Variants in COL5A2 observed in about 807,000 individuals in gnomAD.
The protein encoded by COL5A2 is collagen alpha-2(V) chain.
In COL5A2, 23 loss-of-function variants were observed where a neutral mutation model predicts 208.2. That is an observed-to-expected ratio of 0.11 (90% confidence interval 0.08 to 0.16). COL5A2 has a LOEUF of 0.16. Ranked by LOEUF, COL5A2 falls within the 10% of genes least tolerant of loss-of-function variation. COL5A2 has a pLI of 1.00. For missense variants in COL5A2, 1,590 were observed against 1,956.4 expected, an observed-to-expected ratio of 0.81 and a Z score of 3.53; for synonymous variants, 625 against 628.5, an observed-to-expected ratio of 0.99 and a Z score of 0.08.
chr2:189,111,464 A>G (rs1012440150), intron 1 of COL5A2, among the ~76,000 whole-genome samples: 1 of 152,164 alleles, frequency 6.6e-6, no homozygotes, highest in East Asian at 1.9e-4. Flanking sequence ...TTTCTTGCAC[A>G]ACTTGACCAC....
chr2:189,046,659 A>T (rs1215023599), intron 45 of COL5A2, among the ~76,000 whole-genome samples: 1 of 152,202 alleles, frequency 6.6e-6, no homozygotes, highest in Non-Finnish European at 1.5e-5. Context: ...CTAAACATAA[A>T]TATTTGACTT....
At chr2:189,319,946 G>A in the COL5A2 span, among the ~76,000 whole-genome samples, 1 of 152,102 alleles carries the variant, frequency 6.6e-6, no homozygotes, top group Non-Finnish European at 1.5e-5. Flanking sequence ...TCACATGGCC[G>A]GGTACCCCTC....
chr2:189,058,774 T>G, intron 32 of COL5A2, 75 bp downstream of exon 32: 1 of 1,342,796 alleles, frequency 7.4e-7, no homozygotes, highest in Non-Finnish European at 1.1e-6. Flanking sequence ...AATCCCAGTT[T>G]AAGATTTTAA....
chr2:189,435,259 G>A, the COL5A2 span, among the ~76,000 whole-genome samples: 2 of 152,126 alleles, frequency 1.3e-5, no homozygotes, highest in Non-Finnish European at 2.9e-5. Context: ...TCACGACATA[G>A]GCATGGGCAA....
chr2:189,306,775 T>C, the COL5A2 span, among the ~76,000 whole-genome samples: 1 of 152,240 alleles, frequency 6.6e-6, no homozygotes, highest in Non-Finnish European at 1.5e-5. Flanking sequence ...TTCCGCTTTC[T>C]TTCTTTGTAA....
At chr2:189,106,389 T>C (rs554427176) in intron 2 of COL5A2, among the ~76,000 whole-genome samples, 2 of 151,548 alleles carry the variant, frequency 1.3e-5, no homozygotes, top group Non-Finnish European at 3.0e-5. Context: ...ATTCCTATTA[T>C]TTCTTCTATG....
intron 1 of COL5A2, among the ~76,000 whole-genome samples, chr2:189,126,557 T>G (rs1005155348): frequency 6.6e-6 from 1 of 152,078 alleles, no homozygotes; most frequent in East Asian, 1.9e-4. Flanking sequence ...AATCAGCTCT[T>G]TGGCTTCTAA....
At chr2:189,322,756 G>A in the COL5A2 span, among the ~76,000 whole-genome samples, 2 of 152,168 alleles carry the variant, frequency 1.3e-5, no homozygotes, top group Non-Finnish European at 2.9e-5. Flanking sequence ...GTACAAGTAG[G>A]AGGTAGTACC....
At chr2:189,382,301 T>C in the COL5A2 span, among the ~76,000 whole-genome samples, 2 of 152,090 alleles carry the variant, frequency 1.3e-5, no homozygotes, top group Non-Finnish European at 2.9e-5. Flanking sequence ...AAGGCTGCAA[T>C]GAGCCATGAT....
At chr2:189,113,493 A>G (rs1487620537) in intron 1 of COL5A2, among the ~76,000 whole-genome samples, 1 of 151,280 alleles carries the variant, frequency 6.6e-6, no homozygotes, top group Non-Finnish European at 1.5e-5. Context: ...AATATATATT[A>G]TTGTGGAGTA....
At chr2:189,178,666 A>G (rs1179848039) in intron 1 of COL5A2, among the ~76,000 whole-genome samples, 1 of 150,890 alleles carries the variant, frequency 6.6e-6, no homozygotes, top group Non-Finnish European at 1.5e-5. Flanking sequence ...ACATATGAAA[A>G]TTGCATAGGA....
intron 1 of COL5A2, among the ~76,000 whole-genome samples, chr2:189,186,380 A>G (rs1576579720): frequency 6.6e-6 from 1 of 152,304 alleles, no homozygotes; most frequent in East Asian, 1.9e-4. Context: ...GAAAATAATA[A>G]CCAGAACAAT....
intron 1 of COL5A2, among the ~76,000 whole-genome samples, chr2:189,148,834 T>G (rs2105784048): frequency 6.6e-6 from 1 of 152,286 alleles, no homozygotes; most frequent in Non-Finnish European, 1.5e-5. Context: ...GTTGACATGG[T>G]CTTCAACATG....
intron 9 of COL5A2, among the ~76,000 whole-genome samples, chr2:189,086,002 T>C (rs914611232): frequency 2.0e-5 from 3 of 151,754 alleles, no homozygotes; most frequent in Non-Finnish European, 4.4e-5. Context: ...GTAATTAATG[T>C]ATGTTAAGAA....
chr2:189,054,690 CTTTTTT>C (rs58380313), intron 35 of COL5A2, among the ~76,000 whole-genome samples: 4 of 113,576 alleles, frequency 3.5e-5, no homozygotes, highest in Non-Finnish European at 5.4e-5. Context: ...GTGTTTTTTC[CTTTTTT>C]TTTTTTTTTT....
intron 1 of COL5A2, among the ~76,000 whole-genome samples, chr2:189,147,269 G>GA (rs973807058): frequency 2.6e-5 from 4 of 152,096 alleles, no homozygotes; most frequent in South Asian, 2.1e-4. Context: ...CGAAAATTAT[G>GA]AAAAAACGTA....
intron 1 of COL5A2, among the ~76,000 whole-genome samples, chr2:189,131,156 G>A (rs1484337035): frequency 6.6e-6 from 1 of 152,128 alleles, no homozygotes; most frequent in Non-Finnish European, 1.5e-5. Context: ...GCAGAGACCT[G>A]AGGGAAATAA....
intron 1 of COL5A2, among the ~76,000 whole-genome samples, chr2:189,223,876 G>C (rs1043636711): frequency 6.6e-6 from 1 of 152,062 alleles, no homozygotes; most frequent in Non-Finnish European, 1.5e-5. Context: ...AGCTATAAGG[G>C]TCTGTTCACT....
the COL5A2 span, among the ~76,000 whole-genome samples, chr2:189,425,786 T>G: frequency 6.6e-6 from 1 of 152,148 alleles, no homozygotes; most frequent in African/African-American, 2.4e-5. Flanking sequence ...GAGATCCAGT[T>G]GTTTAAAAGT....
Sources: allele counts gnomAD v4.1 joint callset (sites outside exome capture counted in the v4.1 genomes callset), GRCh38; gene constraint gnomAD v4.1.1; transcripts MANE v1.5; gene names NCBI Gene and HGNC (gene_info 2026-07-23, HGNC 2026-07-21).